Variants in IQCK observed in about 807,000 individuals in gnomAD.
IQCK encodes IQ domain-containing protein K.
IQCK carries 29 observed loss-of-function variants against 28.1 expected under a neutral mutation model. That is an observed-to-expected ratio of 1.03 (90% CI 0.77 to 1.41). The LOEUF is 1.41. Ranked by LOEUF, IQCK falls within the 40% of genes most tolerant of loss-of-function variation. The probability of loss-of-function intolerance (pLI) is 0.00; values close to 1 mark genes in which losing one functional copy is unlikely to be tolerated. For synonymous variants in IQCK, 113 were observed against 115.1 expected, an observed-to-expected ratio of 0.98 and a Z score of 0.12; for missense variants, 359 against 314.7, an observed-to-expected ratio of 1.14 and a Z score of -1.07.
At chr16:19,831,379 A>C (rs1392492268), downstream of IQCK, among the ~76,000 whole-genome samples, 1 of 152,194 alleles carries the variant, frequency 6.6e-6, no homozygotes, top group Admixed American at 6.5e-5. Context: ...GCTGCACACC[A>C]GGTGAAGCAG....
chr16:19,776,478 GC>G (rs1290887645), intron 6 of IQCK, among the ~76,000 whole-genome samples: 3 of 152,108 alleles, frequency 2.0e-5, no homozygotes, highest in Non-Finnish European at 4.4e-5. Flanking sequence ...ACCAAGATGG[GC>G]AGATCACCTG....
At chr16:19,739,943 T>G (rs897997328) in intron 4 of IQCK, among the ~76,000 whole-genome samples, 3 of 152,200 alleles carry the variant, frequency 2.0e-5, no homozygotes, top group African/African-American at 7.2e-5. Flanking sequence ...ATCACCTCCC[T>G]TTTACCAAGG....
At chr16:19,826,311 AT>A (rs986021162) in intron 7 of IQCK, among the ~76,000 whole-genome samples, 19 of 151,970 alleles carry the variant, frequency 1.3e-4, no homozygotes, top group African/African-American at 2.7e-4. Context: ...GCCCAGCATA[AT>A]TTTTTTTAAT....
chr16:19,828,228 TTTC>T (rs2056176274), downstream of IQCK, among the ~76,000 whole-genome samples: 2 of 136,960 alleles, frequency 1.5e-5, no homozygotes, highest in East Asian at 2.2e-4. Flanking sequence ...TTTTCTTTCT[TTTC>T]TTTTTTTTTT....
intron 7 of IQCK, among the ~76,000 whole-genome samples, chr16:19,804,088 C>T (rs953085691): frequency 6.6e-6 from 1 of 152,096 alleles, no homozygotes; most frequent in Admixed American, 6.6e-5. Context: ...CGGCGGCTCA[C>T]GCCTGTAATC....
chr16:19,847,275 A>G (rs1251820465), intron 9 of IQCK, among the ~76,000 whole-genome samples: 3 of 152,192 alleles, frequency 2.0e-5, no homozygotes, highest in South Asian at 2.1e-4. Context: ...GGATCTGACT[A>G]AAAAGGTGGG....
intron 6 of IQCK, among the ~76,000 whole-genome samples, chr16:19,780,607 T>C (rs2055467738): frequency 1.3e-5 from 2 of 152,236 alleles, no homozygotes; most frequent in Non-Finnish European, 2.9e-5. Flanking sequence ...ATTCCCTCTT[T>C]ATTTTCACTA....
chr16:19,766,463 T>C (rs2055239638), intron 6 of IQCK, among the ~76,000 whole-genome samples: 1 of 152,286 alleles, frequency 6.6e-6, no homozygotes, highest in Admixed American at 6.5e-5. Flanking sequence ...AGGCAAGAAC[T>C]CAAATGCTGC....
intron 7 of IQCK, among the ~76,000 whole-genome samples, chr16:19,811,011 C>T (rs1368876481): frequency 6.6e-6 from 1 of 152,008 alleles, no homozygotes; most frequent in South Asian, 2.1e-4. Flanking sequence ...GGTCTGGGTA[C>T]AGTGGCTCAC....
chr16:19,857,480 TAAAG>T (rs1421425180), exon 10 of IQCK: 1 of 436,212 alleles, frequency 2.3e-6, no homozygotes, highest in African/African-American at 2.1e-5. Flanking sequence ...CGGGGGAAGA[TAAAG>T]GTACATTATA....
chr16:19,845,729 A>G (rs922021721), intron 9 of IQCK, among the ~76,000 whole-genome samples: 13 of 152,246 alleles, frequency 8.5e-5, no homozygotes, highest in African/African-American at 3.1e-4. Context: ...TTTGTTTTAA[A>G]ATATTATATT....
intron 6 of IQCK, among the ~76,000 whole-genome samples, chr16:19,776,481 GATC>G (rs1490456487): frequency 2.0e-5 from 3 of 152,128 alleles, no homozygotes; most frequent in Non-Finnish European, 4.4e-5. Flanking sequence ...AAGATGGGCA[GATC>G]ACCTGAGATC....
At chr16:19,853,486 A>G (rs2056512202) in intron 9 of IQCK, among the ~76,000 whole-genome samples, 4 of 152,358 alleles carry the variant, frequency 2.6e-5, no homozygotes, top group Middle Eastern at 3.4e-3. Flanking sequence ...GTAAAATACC[A>G]GGACAACAGC....
intron 4 of IQCK, among the ~76,000 whole-genome samples, chr16:19,754,917 A>G (rs2055032251): frequency 6.6e-6 from 1 of 152,184 alleles, no homozygotes; most frequent in Non-Finnish European, 1.5e-5. Context: ...ACACTTTCTG[A>G]AATGACCCTG....
intron 1 of IQCK, among the ~76,000 whole-genome samples, chr16:19,724,241 C>G (rs1977585211): frequency 6.6e-6 from 1 of 152,134 alleles, no homozygotes; most frequent in Non-Finnish European, 1.5e-5. Context: ...TTCTGTAATT[C>G]CTCAGGCCAA....
chr16:19,779,924 A>G (rs2055453628), intron 6 of IQCK, among the ~76,000 whole-genome samples: 1 of 151,094 alleles, frequency 6.6e-6, no homozygotes, highest in Admixed American at 6.6e-5. Flanking sequence ...TCACCATGTT[A>G]GCCAGGATGG....
In IQCK at chr16:19,718,322, C is replaced by T. The variant is rs1360618860; in HGVS notation, c.16C>T (p.Gln6Ter). ...AACCGCGGCCATGGCGGCACCGCGG[C>T]AAATCCCCAGCCACATAGTGCGCCT... The change falls in exon 1 of 8, where the codon CAA (glutamine) becomes TAA (stop). Residue 6 changes from glutamine to a stop codon, truncating the protein, a stop_gained. Transcript: ENST00000564186. LOFTEE classifies it high-confidence loss of function. The T allele has an allele frequency of 3.1e-6, 5 of 1,607,920 alleles. No homozygotes were observed. The highest frequency in any genetic ancestry group is 4.2e-6 in the Non-Finnish European group (5 of 1,177,988).
At chr16:19,738,268 G>A (rs753861572) in intron 4 of IQCK, among the ~76,000 whole-genome samples, 6 of 152,142 alleles carry the variant, frequency 3.9e-5, no homozygotes, top group Non-Finnish European at 8.8e-5. Context: ...CCAAAACCCA[G>A]CTTCCTTCTA....
At chr16:19,764,141 T>G in intron 6 of IQCK, 29 bp downstream of exon 6, 1 of 1,517,574 alleles carries the variant, frequency 6.6e-7, no homozygotes, top group Admixed American at 1.8e-5. Context: ...TTTGAATAAT[T>G]TATTCCTAAT....
Sources: gnomAD v4.1 joint callset for allele counts (sites outside exome capture counted in the v4.1 genomes callset) on GRCh38, gnomAD v4.1.1 for gene constraint, MANE v1.5 for transcripts, NCBI Gene and HGNC (gene_info 2026-07-23, HGNC 2026-07-21) for gene names.